SETD2: variants seen among roughly 807,000 people sequenced by gnomAD.
The protein encoded by SETD2 is histone-lysine N-methyltransferase SETD2.
In SETD2, 31 loss-of-function variants were observed where a neutral mutation model predicts 242.1. The observed-to-expected ratio is 0.13, with a 90% CI of 0.10 to 0.17. SETD2 has a LOEUF of 0.17. Among genes scored for constraint, SETD2 ranks in the 10% least tolerant of loss-of-function variants. The pLI is 1.00. For missense variants in SETD2, 2,481 were observed against 3,046.3 expected, an observed-to-expected ratio of 0.81 and a Z score of 4.37; for synonymous variants, 1,006 against 1,066.5, an observed-to-expected ratio of 0.94 and a Z score of 1.11.
intron 1 of SETD2, among the ~76,000 whole-genome samples, chr3:47,132,324 C>T (rs2043497553): frequency 6.6e-6 from 1 of 151,870 alleles, no homozygotes; most frequent in Middle Eastern, 3.4e-3. Context: ...AAGTCTACTA[C>T]AAAACTACAA....
intron 18 of SETD2, among the ~76,000 whole-genome samples, chr3:47,027,575 A>T (rs542830733): frequency 1.5e-4 from 22 of 151,302 alleles, no homozygotes; most frequent in East Asian, 3.9e-4. Context: ...AATAAAATTT[A>T]AAAAAAAATG....
At position 47,164,069 on chromosome 3, in the gene SETD2, G is replaced by GCTCGTCGCTCCCTCCCTCC; in HGVS notation, c.-164_-146dup. 1.1e-5 allele frequency: 13 copies of GCTCGTCGCTCCCTCCCTCC among 1,194,118 alleles called. No individual in the cohort carries two copies. Among genetic ancestry groups the GCTCGTCGCTCCCTCCCTCC allele is most frequent in the Non-Finnish European group, 1.4e-5 (13 of 957,306 alleles). 74.0% of individuals were successfully genotyped at this position (1,194,118 alleles called of 1,614,324 possible). On this transcript the variant is annotated 5_prime_UTR_variant, in exon 1 of 21. Transcript: ENST00000409792. The surrounding 1 kb of genome is among the most constrained non-coding windows in gnomAD (Gnocchi z 5.4). ...CAGGGGCGGCCCGCGTCGCTACCTC[G>GCTCGTCGCTCCCTCCCTCC]CTCGTCGCTCCCTCCCTCCCTCGGA...
intron 1 of SETD2, among the ~76,000 whole-genome samples, chr3:47,133,249 G>T (rs965685155): frequency 1.3e-5 from 2 of 151,982 alleles, no homozygotes; most frequent in Non-Finnish European, 2.9e-5. Flanking sequence ...TAGAGACAGG[G>T]GTCTATGTGG....
At chr3:47,040,559 A>C (rs1281070091) in intron 17 of SETD2, among the ~76,000 whole-genome samples, 1 of 143,888 alleles carries the variant, frequency 6.9e-6, no homozygotes, top group Non-Finnish European at 1.5e-5. Flanking sequence ...AGATGACATG[A>C]GGGAAAAGGA....
chr3:47,129,702 G>A (rs1186829714), intron 1 of SETD2, among the ~76,000 whole-genome samples: 3 of 152,084 alleles, frequency 2.0e-5, no homozygotes, highest in Non-Finnish European at 4.4e-5. Context: ...CCTGCCCAAC[G>A]TGGGGAAACC....
intron 15 of SETD2, among the ~76,000 whole-genome samples, chr3:47,054,558 T>C (rs1435138765): frequency 6.6e-6 from 1 of 151,890 alleles, no homozygotes; most frequent in Non-Finnish European, 1.5e-5. Flanking sequence ...AAACTGACAG[T>C]AAAACAAAAC....
chr3:47,060,148 G>C (rs2040271171), intron 14 of SETD2, among the ~76,000 whole-genome samples: 1 of 152,166 alleles, frequency 6.6e-6, no homozygotes, highest in African/African-American at 2.4e-5. Flanking sequence ...CCATCTACTG[G>C]ATGGGTGCTG....
chr3:47,089,245 A>G (rs2041695044), intron 9 of SETD2, among the ~76,000 whole-genome samples: 1 of 152,206 alleles, frequency 6.6e-6, no homozygotes, highest in African/African-American at 2.4e-5. Context: ...CAGGAGTTTA[A>G]GACCAGCCTG....
chr3:47,063,043 T>C (rs751067233), intron 13 of SETD2, among the ~76,000 whole-genome samples: 3 of 152,206 alleles, frequency 2.0e-5, no homozygotes, highest in African/African-American at 4.8e-5. Flanking sequence ...CTTCTCTCCA[T>C]ACCAAAATCT....
chr3:47,082,534 TC>T (rs1258262031), intron 12 of SETD2, among the ~76,000 whole-genome samples: 1 of 152,222 alleles, frequency 6.6e-6, no homozygotes, highest in East Asian at 1.9e-4. Flanking sequence ...CAATTCTGAT[TC>T]CTGCAGTTCA....
intron 1 of SETD2, 113 bp downstream of exon 1, chr3:47,163,741 C>A (rs577015988): frequency 9.2e-7 from 1 of 1,091,630 alleles, no homozygotes; most frequent in South Asian, 4.6e-5. Flanking sequence ...GCGAGGCCAC[C>A]GTGGGCCTGT....
intron 12 of SETD2, 93 bp downstream of exon 12, chr3:47,083,627 G>A (rs2041411238): frequency 1.3e-5 from 15 of 1,154,142 alleles, no homozygotes; most frequent in Non-Finnish European, 1.6e-5. Flanking sequence ...TCAGAAATAT[G>A]CATGGCTAAA....
At chr3:47,147,788 T>C (rs1002283385) in intron 1 of SETD2, among the ~76,000 whole-genome samples, 6 of 150,118 alleles carry the variant, frequency 4.0e-5, no homozygotes. Flanking sequence ...CCGGGCAAGG[T>C]GGTGGGCGCC....
intron 16 of SETD2, among the ~76,000 whole-genome samples, chr3:47,045,923 G>A (rs1433354793): frequency 2.0e-5 from 3 of 150,518 alleles, no homozygotes; most frequent in African/African-American, 4.9e-5. Flanking sequence ...CTACAGGTGC[G>A]GAGCAAAATA....
chr3:47,164,196 C>G (rs1246546209), upstream of SETD2, among the ~76,000 whole-genome samples: 1 of 152,160 alleles, frequency 6.6e-6, no homozygotes, highest in Admixed American at 6.5e-5. This position sits in a 1 kb window ranked among gnomAD's most constrained non-coding sequence, Gnocchi z 5.4. Context: ...GAGACACACA[C>G]GGGCCACCGA....
rs759801297 is a variant in SETD2 at position 47,122,047 on chromosome 3, A to T, written c.2589T>A (p.Ser863=). The T allele has an allele frequency of 4.2e-5, 67 of 1,613,808 alleles. No individual in the cohort carries two copies. Among genetic ancestry groups the T allele is most frequent in the Non-Finnish European group, 4.9e-5 (58 of 1,179,976 alleles). ...GATATAAATCATCAAAATGATTAACAGAAGCTGAACTAGTGCTACCGATGC... is the reference window on the plus strand; with the variant it reads ...GATATAAATCATCAAAATGATTAACTGAAGCTGAACTAGTGCTACCGATGC... ...KQSIGSTSSA[S]VNHFDDLYQP... is the part of the protein sequence containing the mutation. The change falls in exon 3 of 21, where the codon TCT becomes TCA. Residue 863 remains serine, a synonymous_variant. Transcript: ENST00000409792.
intron 1 of SETD2, among the ~76,000 whole-genome samples, chr3:47,154,185 C>T (rs989178184): frequency 2.6e-5 from 4 of 152,074 alleles, no homozygotes; most frequent in African/African-American, 4.8e-5. Flanking sequence ...CCAAGGAGGG[C>T]GGATCATGAG....
intron 8 of SETD2, 114 bp from the exon 9 acceptor site, chr3:47,098,195 A>T: frequency 9.4e-7 from 1 of 1,059,634 alleles, no homozygotes; most frequent in East Asian, 2.6e-5. Flanking sequence ...AACAAAAACC[A>T]TAACTTGAAG....
chr3:47,044,344 C>CAAAAAAAAAAAAAAAAAAAAAA (rs59408277), intron 16 of SETD2, among the ~76,000 whole-genome samples: 4 of 33,948 alleles, frequency 1.2e-4, no homozygotes, highest in African/African-American at 3.4e-4. Context: ...GACTTCATCT[C>CAAAAAAAAAAAAAAAAAAAAAA]AAAAAAAAAA....
Sources: gnomAD v4.1 joint callset for allele counts (sites outside exome capture counted in the v4.1 genomes callset) on GRCh38, gnomAD v4.1.1 for gene constraint, Gnocchi (gnomAD v3.1) non-coding constraint, MANE v1.5 for transcripts, NCBI Gene and HGNC (gene_info 2026-07-23, HGNC 2026-07-21) for gene names.